Variants in COG5 observed in about 807,000 individuals in gnomAD.
The protein encoded by COG5 is conserved oligomeric Golgi complex subunit 5.
Under a neutral mutation model 110.4 loss-of-function variants are expected in COG5, and 86 were observed. The observed-to-expected ratio is 0.78, with a 90% confidence interval of 0.65 to 0.93. COG5 has a LOEUF of 0.93. COG5 is among the 40% of genes least tolerant of loss of function. The pLI, the probability that COG5 is intolerant of heterozygous loss-of-function variation, is 0.00. For missense variants in COG5, 1,077 were observed against 987.0 expected, an observed-to-expected ratio of 1.09 and a Z score of -1.22; for synonymous variants, 360 against 334.6, an observed-to-expected ratio of 1.08 and a Z score of -0.83.
At chr7:107,243,046 T>G (rs1801769736) in intron 17 of COG5, among the ~76,000 whole-genome samples, 1 of 152,134 alleles carries the variant, frequency 6.6e-6, no homozygotes, top group African/African-American at 2.4e-5. Context: ...AAGCAGAGGT[T>G]GCAGTCCTAA....
chr7:107,294,899 G>A (rs1362862200), intron 12 of COG5, among the ~76,000 whole-genome samples: 72 of 69,762 alleles, frequency 1.0e-3, no homozygotes, highest in African/African-American at 2.9e-3. Context: ...GTGTGTGTGT[G>A]TGTGTGTGTG....
intron 19 of COG5, among the ~76,000 whole-genome samples, chr7:107,221,574 C>T (rs184239663): frequency 4.6e-5 from 7 of 152,106 alleles, no homozygotes; most frequent in African/African-American, 1.7e-4. Flanking sequence ...ACCATCCTGG[C>T]TAACATGGTG....
chr7:107,355,664 C>T (rs1240768229), intron 10 of COG5, among the ~76,000 whole-genome samples: 1 of 152,158 alleles, frequency 6.6e-6, no homozygotes, highest in Non-Finnish European at 1.5e-5. Context: ...TGGAAGAAGG[C>T]ATTCAGAAAA....
intron 6 of COG5, among the ~76,000 whole-genome samples, chr7:107,493,658 A>G (rs755833928): frequency 2.0e-5 from 3 of 152,198 alleles, no homozygotes; most frequent in Non-Finnish European, 2.9e-5. Flanking sequence ...ACACAGGCTT[A>G]GATGATATCT....
chr7:107,362,169 A>G (rs2129046181), intron 9 of COG5, 59 bp from the exon 10 acceptor site: 1 of 1,408,968 alleles, frequency 7.1e-7, no homozygotes, highest in Non-Finnish European at 1.0e-6. Context: ...GGGAAATGGC[A>G]ACCTTTACGT....
chr7:107,544,650 T>C (rs1446973097), intron 5 of COG5, among the ~76,000 whole-genome samples: 1 of 152,110 alleles, frequency 6.6e-6, no homozygotes, highest in African/African-American at 2.4e-5. Flanking sequence ...TCAGGCTAAT[T>C]GGTGAAGAAC....
At chr7:107,542,218 A>G (rs1802092505) in intron 5 of COG5, among the ~76,000 whole-genome samples, 1 of 152,156 alleles carries the variant, frequency 6.6e-6, no homozygotes, top group African/African-American at 2.4e-5. Flanking sequence ...CGAGAAGGAG[A>G]AAAAAATGGA....
rs1019616402 is a variant in COG5 at position 107,298,405 on chromosome 7, T to C, written c.1109-59A>G. 5.0e-6 allele frequency: 7 copies of C among 1,396,210 alleles called. No individual in the cohort carries two copies. The Admixed American group carries it at 7.4e-5, about 15-fold the overall frequency. 86.5% of individuals were successfully genotyped at this position (1,396,210 alleles called of 1,614,324 possible). On this transcript the variant is annotated intron_variant, in intron 11 of 21. Transcript: ENST00000297135. The stretch of plus-strand genomic sequence containing the variant: ...ATAATAAAATGTAGTAAATGTTTCT[T>C]TTGCATATGAAGATATGTTCCAAAT...
chr7:107,497,819 AC>A (rs1036625880), intron 6 of COG5, among the ~76,000 whole-genome samples: 2 of 152,172 alleles, frequency 1.3e-5, no homozygotes, highest in African/African-American at 4.8e-5. Context: ...ACCACAGAAG[AC>A]CCTGAATAGT....
At chr7:107,449,816 CT>C (rs1160900873) in intron 6 of COG5, among the ~76,000 whole-genome samples, 2 of 152,158 alleles carry the variant, frequency 1.3e-5, no homozygotes, top group African/African-American at 4.8e-5. Context: ...ATTGCTGCAG[CT>C]ACAGCAGCAC....
At chr7:107,503,106 G>A (rs1003045171) in intron 6 of COG5, among the ~76,000 whole-genome samples, 2 of 152,038 alleles carry the variant, frequency 1.3e-5, no homozygotes, top group Non-Finnish European at 2.9e-5. Flanking sequence ...TTTTTCCTAG[G>A]TTTTCTCCTA....
At chr7:107,527,214 T>C in intron 6 of COG5, 23 bp downstream of exon 6, 1 of 1,479,382 alleles carries the variant, frequency 6.8e-7, no homozygotes, top group South Asian at 1.3e-5. Context: ...TAACTTTTTA[T>C]TTAAAAAAAA....
At chr7:107,382,896 CCTTA>C (rs1210927259) in intron 7 of COG5, among the ~76,000 whole-genome samples, 1 of 152,150 alleles carries the variant, frequency 6.6e-6, no homozygotes, top group African/African-American at 2.4e-5. Flanking sequence ...TTTAGACTAA[CCTTA>C]CTTATTCCTG....
At chr7:107,421,766 A>C (rs79359449) in intron 6 of COG5, among the ~76,000 whole-genome samples, 1 of 85,368 alleles carries the variant, frequency 1.2e-5, no homozygotes, top group South Asian at 2.8e-4. Flanking sequence ...ACTCCGTCTC[A>C]AAAAAAAAAA....
chr7:107,558,058 G>T lies in COG5; in HGVS notation c.152C>A (p.Ser51Tyr). 1 of 1,613,864 alleles carries T rather than the reference G, an allele frequency of 6.2e-7. No individual in the cohort carries two copies. The highest frequency in any genetic ancestry group is 8.5e-7 in the Non-Finnish European group (1 of 1,179,834). ...TTCAGCAATTACAGCTTGATGAATA[G>T]ATTGAGAAGTATAAGTCTTTACATC... is the stretch of plus-strand genomic sequence containing the variant. ...DFDVKTYTSQ[S>Y]IHQAVIAEQL... Residue 51 changes from serine to tyrosine, a missense_variant, in exon 2 of 22, where the codon TCT becomes TAT. Transcript: ENST00000297135.
At chr7:107,415,889 C>T (rs150267689) in intron 6 of COG5, among the ~76,000 whole-genome samples, 1,000 of 64,862 alleles carry the variant, frequency 0.015, 255 homozygotes, top group African/African-American at 0.06. Flanking sequence ...TGTGTATATA[C>T]ACACACATAC....
Position 107,557,984 on chromosome 7 carries a change from G to C in COG5, c.226C>G (p.His76Asp). The change falls in exon 2 of 22, where the codon CAC becomes GAC. Residue 76 changes from histidine (H) to aspartate (D), a missense_variant. Transcript: ENST00000297135. ...CAGAAGATCAGAATTACCTGTAAGTGTAGTTCTCTGTCCAACTGACTGATT... is the reference window on the plus strand; with the variant it reads ...CAGAAGATCAGAATTACCTGTAAGTCTAGTTCTCTGTCCAACTGACTGATT... ...QGISQLDREL[H>D]LQVVARHEDL... The C allele has an allele frequency of 1.9e-6, 3 of 1,614,042 alleles. No individual in the cohort carries two copies. Among genetic ancestry groups the C allele is most frequent in the Non-Finnish European group, 2.5e-6 (3 of 1,179,970 alleles).
intron 6 of COG5, among the ~76,000 whole-genome samples, chr7:107,497,789 A>C (rs1798373160): frequency 6.6e-6 from 1 of 152,186 alleles, no homozygotes; most frequent in Non-Finnish European, 1.5e-5. Flanking sequence ...ATAGAAAAAA[A>C]AATCTAAAAT....
At chr7:107,478,644 A>C (rs1797129628) in intron 6 of COG5, among the ~76,000 whole-genome samples, 1 of 151,998 alleles carries the variant, frequency 6.6e-6, no homozygotes, top group Non-Finnish European at 1.5e-5. Flanking sequence ...TTATGTATGT[A>C]TAGGAAAAAA....
Sources: allele counts gnomAD v4.1 joint callset (sites outside exome capture counted in the v4.1 genomes callset), GRCh38; gene constraint gnomAD v4.1.1; transcripts MANE v1.5; gene names NCBI Gene and HGNC (gene_info 2026-07-23, HGNC 2026-07-21).